AJAP1: variants seen among roughly 807,000 people sequenced by gnomAD.
AJAP1 encodes the protein adherens junction-associated protein 1.
A neutral mutation model predicts 35.0 loss-of-function variants in AJAP1; 5 were observed. That is an observed-to-expected ratio of 0.14 (90% CI 0.07 to 0.30). The LOEUF is 0.30. Among genes scored for constraint, AJAP1 ranks in the 10% least tolerant of loss-of-function variants. The pLI is 1.00. For missense variants in AJAP1, 586 were observed against 571.0 expected (o/e 1.03, Z -0.27); for synonymous variants, 284 against 249.3 (o/e 1.14, Z -1.31).
chr1:4,674,966 C>A (rs1055012152), intron 1 of AJAP1, among the ~76,000 whole-genome samples: 1 of 152,216 alleles, frequency 6.6e-6, no homozygotes, highest in Non-Finnish European at 1.5e-5. Context: ...ATGGAGGAGT[C>A]GTCTCAGGCA....
chr1:4,769,211 C>A (rs936187537), intron 2 of AJAP1, among the ~76,000 whole-genome samples: 1 of 152,210 alleles, frequency 6.6e-6, no homozygotes, highest in African/African-American at 2.4e-5. Flanking sequence ...CGCTGCTGGC[C>A]TGAAACTTTC....
chr1:4,718,334 T>G (rs1250262071), intron 2 of AJAP1, among the ~76,000 whole-genome samples: 1 of 152,318 alleles, frequency 6.6e-6, no homozygotes, highest in African/African-American at 2.4e-5. Context: ...CATTTCCCTG[T>G]CAAATGTTCC....
At chr1:4,780,506 G>A (rs893527965) in intron 5 of AJAP1, among the ~76,000 whole-genome samples, 21 of 151,990 alleles carry the variant, frequency 1.4e-4, no homozygotes, top group African/African-American at 3.6e-4. Context: ...CCCCAAATCC[G>A]GGGAATGTGG....
chr1:4,772,210 A>G, intron 3 of AJAP1, 70 bp from the exon 4 acceptor site: 1 of 1,591,224 alleles, frequency 6.3e-7, no homozygotes, highest in East Asian at 2.2e-5. Flanking sequence ...CCCACAGTGG[A>G]AGTCTGGAGT....
intron 1 of AJAP1, among the ~76,000 whole-genome samples, chr1:4,673,880 C>T (rs1639301602): frequency 6.6e-6 from 1 of 151,664 alleles, no homozygotes; most frequent in Non-Finnish European, 1.5e-5. Context: ...AGCGAGAAGT[C>T]AGGGTCTCCG....
chr1:4,745,700 G>C (rs971263463), intron 2 of AJAP1, among the ~76,000 whole-genome samples: 2 of 152,218 alleles, frequency 1.3e-5, no homozygotes, highest in Non-Finnish European at 2.9e-5. Flanking sequence ...TTGTGCATTT[G>C]GCTTTGAGTC....
intron 2 of AJAP1, among the ~76,000 whole-genome samples, chr1:4,736,188 T>C (rs966591843): frequency 2.5e-4 from 38 of 152,206 alleles, no homozygotes. Flanking sequence ...CAGAAATAGT[T>C]TTCACATAGT....
At chr1:4,749,120 C>T (rs1053678673) in intron 2 of AJAP1, among the ~76,000 whole-genome samples, 4 of 152,196 alleles carry the variant, frequency 2.6e-5, no homozygotes, top group Non-Finnish European at 4.4e-5. Context: ...TCGTTCCAGT[C>T]TTATCAACGT....
At chr1:4,739,108 C>T (rs1157964130) in intron 2 of AJAP1, among the ~76,000 whole-genome samples, 3 of 152,106 alleles carry the variant, frequency 2.0e-5, no homozygotes, top group Non-Finnish European at 1.5e-5. Context: ...GTACCTGGAG[C>T]TAAATGACGC....
At position 4,742,601 on chromosome 1, in the gene AJAP1, G is replaced by A. The variant is rs953168164; in HGVS notation, c.830-27252G>A. On this transcript the variant is annotated intron_variant, in intron 2 of 5. Coordinates refer to ENST00000378191, the MANE Select transcript of AJAP1 (RefSeq NM_018836.4). ...TTGTCCTGTCCTTTCCTGTTTTCTC[G>A]AAGTTCGAAATTTTTTTTAACTATA... Among the ~76,000 whole-genome samples, 8 of 152,144 alleles carry A rather than the reference G, an allele frequency of 5.3e-5. No homozygotes were observed. The South Asian group carries it at 6.2e-4, about 12-fold the overall frequency.
At chr1:4,709,432 G>C (rs1024124866) in intron 1 of AJAP1, among the ~76,000 whole-genome samples, 1 of 151,768 alleles carries the variant, frequency 6.6e-6, no homozygotes, top group Non-Finnish European at 1.5e-5. Context: ...GTGAGGTCTG[G>C]TGAGGCCTGG....
At chr1:4,714,142 A>C (rs562161825) in intron 2 of AJAP1, among the ~76,000 whole-genome samples, 1 of 152,144 alleles carries the variant, frequency 6.6e-6, no homozygotes, top group African/African-American at 2.4e-5. Context: ...CTAGAGAGCA[A>C]TGTCTCTATG....
intron 1 of AJAP1, among the ~76,000 whole-genome samples, chr1:4,706,594 C>A (rs370660788): frequency 6.6e-6 from 1 of 152,150 alleles, no homozygotes; most frequent in Admixed American, 6.5e-5. Flanking sequence ...GGCTGTTCCC[C>A]GGTGGAACAA....
At chr1:4,678,875 T>C (rs1639415681) in intron 1 of AJAP1, among the ~76,000 whole-genome samples, 1 of 152,188 alleles carries the variant, frequency 6.6e-6, no homozygotes, top group African/African-American at 2.4e-5. Flanking sequence ...GCCAGATGCA[T>C]CTCATTTAAA....
At position 4,788,151 on chromosome 1, in the gene AJAP1, C is replaced by A; in HGVS notation, c.*5666C>A. On this transcript the variant is annotated 3_prime_UTR_variant, in exon 6 of 6. Transcript: ENST00000378191. Reference sequence around the variant, plus strand: ...AACTCCCTCTTTGCTCACTCTGAGCCAGGATCTCTGTGTTAGTTACACTCA... The same window carrying A: ...AACTCCCTCTTTGCTCACTCTGAGCAAGGATCTCTGTGTTAGTTACACTCA... The A allele has an allele frequency of 4.9e-6, 1 of 202,286 alleles. No homozygotes were observed. Among genetic ancestry groups the A allele is most frequent in the Non-Finnish European group, 1.0e-5 (1 of 98,434 alleles). 12.5% of individuals were successfully genotyped at this position (202,286 alleles called of 1,614,324 possible).
intron 2 of AJAP1, among the ~76,000 whole-genome samples, chr1:4,745,562 TC>T (rs1166665369): frequency 6.6e-6 from 1 of 152,160 alleles, no homozygotes; most frequent in Admixed American, 6.5e-5. Context: ...TGCCTTACCC[TC>T]CTCTGCTGTT....
chr1:4,742,906 G>A (rs1310004621), intron 2 of AJAP1, among the ~76,000 whole-genome samples: 1 of 137,506 alleles, frequency 7.3e-6, no homozygotes, highest in Non-Finnish European at 1.6e-5. Flanking sequence ...GGTAAATGTG[G>A]GGATGATGGT....
intron 5 of AJAP1, among the ~76,000 whole-genome samples, chr1:4,778,610 TC>T (rs1306310423): frequency 2.3e-5 from 3 of 130,024 alleles, no homozygotes; most frequent in African/African-American, 8.5e-5. Flanking sequence ...TCTCTCTCTC[TC>T]TCTTCTCTCT....
At chr1:4,671,364 G>C (rs1639243685) in intron 1 of AJAP1, among the ~76,000 whole-genome samples, 1 of 115,444 alleles carries the variant, frequency 8.7e-6, no homozygotes, top group Non-Finnish European at 1.9e-5. Context: ...GCGAGACTCT[G>C]CCTCAAAAAA....
Sources: gnomAD v4.1 joint callset for allele counts (sites outside exome capture counted in the v4.1 genomes callset) on GRCh38, gnomAD v4.1.1 for gene constraint, MANE v1.5 for transcripts, NCBI Gene and HGNC (gene_info 2026-07-23, HGNC 2026-07-21) for gene names.